Variants in TMEM94 observed in about 807,000 individuals in gnomAD.
TMEM94 encodes transmembrane protein 94.
A neutral mutation model predicts 158.6 loss-of-function variants in TMEM94; 81 were observed. The ratio of observed to expected loss-of-function variants is 0.51; its 90% confidence interval spans 0.43 to 0.61. TMEM94 has a LOEUF of 0.61. Among genes scored for constraint, TMEM94 ranks in the 20% least tolerant of loss-of-function variants. TMEM94 has a pLI of 0.00. For synonymous variants in TMEM94, 751 were observed against 730.7 expected, an observed-to-expected ratio of 1.03 and a Z score of -0.45; for missense variants, 1,435 against 1,762.0, an observed-to-expected ratio of 0.81 and a Z score of 3.32.
chr17:75,493,893 G>A lies in TMEM94; in HGVS notation c.2384G>A (p.Arg795His), dbSNP rs141743405. The change falls in exon 18 of 32, where the codon CGC becomes CAC. Residue 795 changes from arginine to histidine, a missense_variant. Arg to His is a conservative substitution (Grantham distance 29, BLOSUM62 0). Around this residue, in one of 3 missense-constraint regions of TMEM94, gnomAD observed 1,051 missense variants for 1,254.4 expected, o/e 0.84. Transcript: ENST00000314256. ...ACCATCCCCATCAAGCAGAACGCCC[G>A]CCGCAGCAGCTGGAGCTCTGACGGT... ...PSTIPIKQNA[R>H]RSSWSSDEGI... is the part of the protein sequence containing the mutation. The A allele has an allele frequency of 1.8e-4, 298 of 1,612,140 alleles. 3 individuals carry two copies. The African/African-American group carries it at 3.4e-3, about 18-fold the overall frequency.
rs750465138 is a variant in TMEM94, at chr17:75,456,635, C to T, written c.-223C>T. Reference sequence around the variant, plus strand: ...TCTGTTGCCCGGAAGGGAGGCAAGCCCCCTTAGAGTTGCCAGTAACGGACA... The same window carrying T: ...TCTGTTGCCCGGAAGGGAGGCAAGCTCCCTTAGAGTTGCCAGTAACGGACA... On this transcript the variant is annotated 5_prime_UTR_variant, in exon 1 of 32. Transcript: ENST00000314256. 2.0e-5 allele frequency: 3 copies of T among 152,256 alleles called. No individual in the cohort carries two copies. Among genetic ancestry groups the T allele is most frequent in the African/African-American group, 7.2e-5 (3 of 41,446 alleles). The allele number at this position is 152,256 out of a possible 1,614,324, so 9.4% of individuals were successfully genotyped here. A position where few individuals can be genotyped will look rare whatever the true frequency, so the allele number is the denominator to read the frequency against.
At position 75,493,077 on chromosome 17, in the gene TMEM94, C is replaced by T. The variant is rs755367701; in HGVS notation, c.2061C>T (p.Ser687=). The change falls in exon 16 of 32, where the codon AGC becomes AGT. Residue 687 remains serine, a synonymous_variant. Transcript: ENST00000314256. ...GGCCTCCCCTCAGCCACATGATCAG[C>T]CTCTTCATTAAAGACACCACCACCA... ...KRRPPLSHMI[S]LFIKDTTTST... is the part of the protein sequence containing the mutation. 1.9e-6 allele frequency: 3 copies of T among 1,613,330 alleles called. No homozygotes were observed. The highest frequency in any genetic ancestry group is 1.7e-5 in the Admixed American group (1 of 60,022).
chr17:75,476,512 A>G, intron 2 of TMEM94: 1 of 1,415,058 alleles, frequency 7.1e-7, no homozygotes, highest in Non-Finnish European at 9.2e-7. Flanking sequence ...TAATCAGCAG[A>G]TTGAAGCTCT....
At chr17:75,488,933 T>A (rs1416700057) in intron 7 of TMEM94, 23 bp downstream of exon 7, 1 of 1,540,170 alleles carries the variant, frequency 6.5e-7, no homozygotes, top group Non-Finnish European at 8.8e-7. Flanking sequence ...CCCCGCCTCC[T>A]CCTGTCCCTG....
chr17:75,488,379 C>T (rs939017809), intron 6 of TMEM94, among the ~76,000 whole-genome samples: 5 of 152,174 alleles, frequency 3.3e-5, no homozygotes, highest in African/African-American at 7.2e-5. Context: ...TGGGTTCAAG[C>T]GATTCTCCCA....
intron 1 of TMEM94, among the ~76,000 whole-genome samples, chr17:75,469,439 G>C (rs1008376459): frequency 6.6e-5 from 10 of 151,002 alleles, no homozygotes; most frequent in Non-Finnish European, 1.5e-5. Context: ...CTGCCTCCCA[G>C]GCTCAAGTGA....
intron 1 of TMEM94, among the ~76,000 whole-genome samples, chr17:75,465,651 A>G (rs2050273777): frequency 8.3e-6 from 1 of 119,892 alleles, no homozygotes. Flanking sequence ...AGCTATAAGA[A>G]TTTTTATATA....
At position 75,490,225 on chromosome 17, in the gene TMEM94, C is replaced by G. The variant is rs765023859; in HGVS notation, c.955-9C>G. ...TCAGGAGCCATCTGTGTGGTCCGCT[C>G]CTTCCCAGGTGAATGGCGTCCTGCC... On this transcript the variant is annotated splice_polypyrimidine_tract_variant and intron_variant, in intron 9 of 31. Transcript: ENST00000314256. 3 of 1,613,912 alleles carry G rather than the reference C, an allele frequency of 1.9e-6. No individual in the cohort carries two copies. The highest frequency in any genetic ancestry group is 2.2e-5 in the South Asian group (2 of 91,086).
intron 2 of TMEM94, among the ~76,000 whole-genome samples, chr17:75,480,872 T>A (rs2051105056): frequency 6.6e-6 from 1 of 152,192 alleles, no homozygotes; most frequent in Non-Finnish European, 1.5e-5. Context: ...CACTTGATCA[T>A]GTCTGGAGGC....
intron 1 of TMEM94, among the ~76,000 whole-genome samples, chr17:75,461,808 G>C (rs1409259507): frequency 6.6e-6 from 1 of 150,848 alleles, no homozygotes; most frequent in African/African-American, 2.4e-5. Flanking sequence ...CAGCTACTCG[G>C]GAGGCTGAGG....
At position 75,471,880 on chromosome 17, in the gene TMEM94, G is replaced by A. The variant is rs1308962331; in HGVS notation, c.-26G>A. 6.2e-7 allele frequency: 1 copy of A among 1,613,770 alleles called. No individual in the cohort carries two copies. The highest frequency in any genetic ancestry group is 1.7e-5 in the Admixed American group (1 of 60,012). On this transcript the variant is annotated 5_prime_UTR_variant, in exon 2 of 32. Coordinates refer to ENST00000314256, the MANE Select transcript of TMEM94 (RefSeq NM_014738.6). ...CTTTCAGGGGTGACCACATTCATCT[G>A]GGCATGCCTGCAGTACTCTTGGCCC...
rs540272606 is a variant in TMEM94 at position 75,489,526 on chromosome 17, G to A, written c.868-50G>A. On this transcript the variant is annotated intron_variant, in intron 8 of 31. Transcript: ENST00000314256. The surrounding 1 kb of genome is among the most constrained non-coding windows in gnomAD (Gnocchi z 5.0). The stretch of plus-strand genomic sequence containing the variant: ...AAGGAAGGGGAACGGCAGTGCCTGG[G>A]TCCCTCTAGAGGGGCGGGGTCAAGG... 2.4e-5 allele frequency: 38 copies of A among 1,555,986 alleles called. No homozygotes were observed. The highest frequency in any genetic ancestry group is 1.2e-4 in the Admixed American group (7 of 59,926).
At chr17:75,461,239 A>G (rs1052386943) in intron 1 of TMEM94, among the ~76,000 whole-genome samples, 1 of 151,686 alleles carries the variant, frequency 6.6e-6, no homozygotes, top group African/African-American at 2.4e-5. Flanking sequence ...AGCTGGGAAT[A>G]TAGGTGCACA....
intron 2 of TMEM94, among the ~76,000 whole-genome samples, chr17:75,481,812 C>T (rs1008988540): frequency 6.6e-6 from 1 of 152,236 alleles, no homozygotes. Context: ...TCCTCTTGCT[C>T]AGGAGGTTTT....
At chr17:75,486,799 GACAT>G (rs1409576268) in intron 5 of TMEM94, among the ~76,000 whole-genome samples, 1 of 152,202 alleles carries the variant, frequency 6.6e-6, no homozygotes, top group Admixed American at 6.5e-5. Flanking sequence ...AAGGTGGGCA[GACAT>G]ACCTGCAGGA....
intron 16 of TMEM94, 130 bp downstream of exon 16, chr17:75,493,232 C>T: frequency 9.3e-7 from 1 of 1,073,612 alleles, no homozygotes; most frequent in Non-Finnish European, 1.3e-6. Context: ...AAGTGTTCCA[C>T]TCTGGCAGGG....
chr17:75,495,992 C>G lies in TMEM94; in HGVS notation c.2971C>G (p.Gln991Glu), dbSNP rs772882536. ...CATGTGTGAGATGATAAAGATCATG[C>G]AAGAGTACGGGGAGGTGACCTGCTG... Reference protein sequence around the residue: ...ETMCEMIKIMQEYGEVTCCLG... With the variant: ...ETMCEMIKIMEEYGEVTCCLG... Residue 991 changes from glutamine to glutamate, a missense_variant, in exon 23 of 32, where the codon CAA (glutamine) becomes GAA (glutamate). Gln to Glu is a conservative substitution (Grantham distance 29). Transcript: ENST00000314256. The surrounding 1 kb of genome is among the most constrained non-coding windows in gnomAD (Gnocchi z 5.6). The G allele has an allele frequency of 3.1e-6, 5 of 1,613,364 alleles. No individual in the cohort carries two copies. The South Asian group carries it at 5.5e-5, about 18-fold the overall frequency.
chr17:75,461,650 G>A (rs892561672), intron 1 of TMEM94, among the ~76,000 whole-genome samples: 1 of 151,880 alleles, frequency 6.6e-6, no homozygotes, highest in South Asian at 2.1e-4. Flanking sequence ...TAGGCCGGGC[G>A]CAGTGGCTCA....
Position 75,493,235 on chromosome 17 carries a change from T to C in TMEM94, c.2086+133T>C. 2.9e-6 allele frequency: 3 copies of C among 1,046,084 alleles called. No individual in the cohort carries two copies. In the East Asian group the frequency reaches 7.8e-5, roughly 27 times the overall value. The allele number at this position is 1,046,084 out of a possible 1,614,324, so 64.8% of individuals were successfully genotyped here. Reference sequence around the variant, plus strand: ...TAGACTGCTTCCAAGTGTTCCACTCTGGCAGGGCTGGAATTGGGGACCAGG... The same window carrying C: ...TAGACTGCTTCCAAGTGTTCCACTCCGGCAGGGCTGGAATTGGGGACCAGG... On this transcript the variant is annotated intron_variant, in intron 16 of 31. Transcript: ENST00000314256.
Sources: gnomAD v4.1 joint callset for allele counts (sites outside exome capture counted in the v4.1 genomes callset) on GRCh38, gnomAD v4.1.1 for gene constraint, gnomAD v4.1.1 regional missense constraint, Gnocchi (gnomAD v3.1) non-coding constraint, MANE v1.5 for transcripts, NCBI Gene and HGNC (gene_info 2026-07-23, HGNC 2026-07-21) for gene names.